NEB: variants seen among roughly 807,000 people sequenced by gnomAD.
NEB encodes the protein nebulin.
Under a neutral mutation model 952.2 loss-of-function variants are expected in NEB, and 512 were observed. The ratio of observed to expected loss-of-function variants is 0.54; its 90% CI spans 0.50 to 0.58. NEB has a LOEUF of 0.58. Ranked by LOEUF, NEB falls within the 20% of genes least tolerant of loss-of-function variation. The pLI is 0.00. For synonymous variants in NEB, 2,900 were observed against 3,149.8 expected, an observed-to-expected ratio of 0.92 and a Z score of 2.66; for missense variants, 8,428 against 9,231.1, an observed-to-expected ratio of 0.91 and a Z score of 3.56.
At chr2:151,729,918 A>G (rs1436259605) in intron 3 of NEB, among the ~76,000 whole-genome samples, 1 of 152,328 alleles carries the variant, frequency 6.6e-6, no homozygotes, top group Non-Finnish European at 1.5e-5. Context: ...TTTTTAATCA[A>G]GAGAAGCTAT....
chr2:151,708,531 G>C (rs149291452), intron 12 of NEB, among the ~76,000 whole-genome samples: 72 of 152,060 alleles, frequency 4.7e-4, no homozygotes, highest in Admixed American at 4.6e-3. Context: ...CCCATGGAAG[G>C]ACCCCAGAGC....
At chr2:151,618,633 G>A (rs775370461) in intron 73 of NEB, among the ~76,000 whole-genome samples, 155 bp from the exon 74 acceptor site, 4 of 152,152 alleles carry the variant, frequency 2.6e-5, no homozygotes, top group Non-Finnish European at 5.9e-5. Flanking sequence ...TGAATCCTAA[G>A]TGTATTTTTT....
intron 176 of NEB, 58 bp downstream of exon 176, chr2:151,493,295 A>T: frequency 1.5e-6 from 2 of 1,293,160 alleles, no homozygotes; most frequent in Non-Finnish European, 2.2e-6. Context: ...TGTTTTTATG[A>T]TGTTAAAATG....
chr2:151,679,668 GC>G, intron 32 of NEB, 52 bp downstream of exon 32: 7 of 310,070 alleles, frequency 2.3e-5, no homozygotes, highest in South Asian at 6.2e-5. Flanking sequence ...CAGACCCCAA[GC>G]CCACCCACCC....
Position 151,639,896 on chromosome 2 carries a change from T to C in NEB, c.8850A>G (p.Glu2950=), listed in dbSNP as rs1358258182. Residue 2950 remains glutamate (E), a synonymous_variant, in exon 62 of 182, where the codon GAA becomes GAG. Transcript: ENST00000397345. ...FKFTSVTDSL[E]QVLAKNNAIT... Reference sequence around the variant, plus strand: ...TGGCATTATTTTTGGCCAACACTTGTTCCAGAGAGTCAGTCACACTGGTAA... The same window carrying C: ...TGGCATTATTTTTGGCCAACACTTGCTCCAGAGAGTCAGTCACACTGGTAA... 3 of 1,613,876 alleles carry C rather than the reference T, an allele frequency of 1.9e-6. No homozygotes were observed. The highest frequency in any genetic ancestry group is 2.7e-5 in the African/African-American group (2 of 74,928).
At chr2:151,728,037 C>G (rs960515276) in intron 4 of NEB, 131 bp from the exon 5 acceptor site, 1 of 703,382 alleles carries the variant, frequency 1.4e-6, no homozygotes, top group Non-Finnish European at 2.4e-6. Flanking sequence ...CTAAAGTAAG[C>G]CAAAGCAGGA....
At chr2:151,551,953 C>T (rs1008621774) in intron 128 of NEB, 108 bp from the exon 129 acceptor site, 9 of 730,880 alleles carry the variant, frequency 1.2e-5, no homozygotes, top group Admixed American at 2.6e-5. Flanking sequence ...ACTCATCTGA[C>T]ACATTACTGT....
intron 13 of NEB, among the ~76,000 whole-genome samples, chr2:151,701,996 G>A (rs1460711130): frequency 6.8e-6 from 1 of 147,558 alleles, no homozygotes; most frequent in Non-Finnish European, 1.5e-5. Flanking sequence ...TTCTCTTGTG[G>A]GCATTTAGTG....
chr2:151,500,487 T>G (rs2063597750), intron 168 of NEB, among the ~76,000 whole-genome samples: 1 of 151,840 alleles, frequency 6.6e-6, no homozygotes, highest in Non-Finnish European at 1.5e-5. Flanking sequence ...ACATTAAATA[T>G]AAGCTCATGA....
At chr2:151,657,846 C>T (rs1263278980) in intron 48 of NEB, 137 bp downstream of exon 48, 8 of 655,782 alleles carry the variant, frequency 1.2e-5, no homozygotes, top group Non-Finnish European at 2.1e-5. Flanking sequence ...AACACAAAAG[C>T]AAGGTTAAGA....
In NEB at chr2:151,570,084, G is replaced by A. The variant is rs781105258; in HGVS notation, c.17427C>T (p.Ser5809=). ...ACCCCAAATGCAGCCCACTCACATCGCTCTGCAGTTCGTAGGCCTTCTTGG... is the reference window on the plus strand; with the variant it reads ...ACCCCAAATGCAGCCCACTCACATCACTCTGCAGTTCGTAGGCCTTCTTGG... ...IQAKKAYELQ[S]DNVYKADLEW... The change falls in exon 109 of 182, where the codon AGC becomes AGT. Residue 5809 remains serine, a synonymous_variant. Transcript: ENST00000397345. 1.9e-5 allele frequency: 30 copies of A among 1,604,766 alleles called. No individual in the cohort carries two copies. Among genetic ancestry groups the A allele is most frequent in the East Asian group, 4.5e-5 (2 of 44,568 alleles).
At position 151,643,339 on chromosome 2, in the gene NEB, T is replaced by G. The variant is rs778368661; in HGVS notation, c.7971A>C (p.Ser2657=). 3.7e-6 allele frequency: 6 copies of G among 1,607,992 alleles called. No individual in the cohort carries two copies. The highest frequency in any genetic ancestry group is 5.1e-6 in the Non-Finnish European group (6 of 1,176,156). Residue 2657 remains serine, a synonymous_variant, in exon 58 of 182, where the codon TCA becomes TCC. Transcript: ENST00000397345. ...YDLQSDNLYK[S]DLQWLKGIGW... ...CAATGCCTTTTAGCCACTGAAGGTCTGACTTGTACAAATTCTGAAAGTGCA... is the reference window on the plus strand; with the variant it reads ...CAATGCCTTTTAGCCACTGAAGGTCGGACTTGTACAAATTCTGAAAGTGCA...
rs370999716 is a variant in NEB at position 151,666,086 on chromosome 2, A to G, written c.5031+4T>C. On this transcript the variant is annotated splice_donor_region_variant and intron_variant, in intron 41 of 181. Transcript: ENST00000397345. ...TGGATAACAACTTGGTAACCAGTAC[A>G]TACATCACTCTGAATCTGCATGGCA... is the stretch of plus-strand genomic sequence containing the variant. The G allele has an allele frequency of 7.4e-5, 119 of 1,609,430 alleles. 1 individual carries two copies. In the African/African-American group the frequency reaches 9.0e-4, roughly 12 times the overall value.
At chr2:151,505,437 T>G (rs747521866) in intron 165 of NEB, 41 bp downstream of exon 165, 4 of 1,514,258 alleles carry the variant, frequency 2.6e-6, no homozygotes, top group Non-Finnish European at 9.2e-7. Flanking sequence ...AATTGAGAGA[T>G]GGCCAGTCAC....
At chr2:151,678,278 C>A in intron 32 of NEB, 91 bp from the exon 33 acceptor site, 1 of 740,676 alleles carries the variant, frequency 1.4e-6, no homozygotes, top group Non-Finnish European at 2.2e-6. Context: ...TTGAGCTTCC[C>A]AAAAATTACT....
intron 153 of NEB, among the ~76,000 whole-genome samples, chr2:151,523,807 A>T (rs530468906): frequency 6.6e-6 from 1 of 152,300 alleles, no homozygotes; most frequent in African/African-American, 2.4e-5. Flanking sequence ...AATTTTAATG[A>T]TTTATCCATG....
Position 151,491,775 on chromosome 2 carries a change from C to A in NEB, c.25058G>T (p.Gly8353Val). 3.2e-6 allele frequency: 5 copies of A among 1,580,384 alleles called. No homozygotes were observed. The highest frequency in any genetic ancestry group is 4.3e-6 in the Non-Finnish European group (5 of 1,161,634). The change falls in exon 179 of 182, where the codon GGT becomes GTT. Residue 8353 changes from glycine (G) to valine (V), a missense_variant and splice_region_variant. Around this residue, in one of 11 missense-constraint regions of NEB, gnomAD observed 3,374 missense variants for 3,651.5 expected, o/e 0.92. Transcript: ENST00000397345. ...AGGATTAGTACGCCAGACACGTAAA[C>A]CTGAAAGGGAAACCAGTGATCAGAA... ...RNDQDQETIT[G>V]LRVWRTNPGS...
rs1033895523 is a variant in NEB at position 151,609,322 on chromosome 2, A to T, written c.12330+487T>A. Among the ~76,000 whole-genome samples the T allele has an allele frequency of 7.2e-5, 11 of 152,194 alleles. No individual in the cohort carries two copies. The South Asian group carries it at 8.3e-4, about 11-fold the overall frequency. ...TGTACTTCCAAAAAAGCAAGACCTGAGATCTCACATGATTGAGGGTTTTTA... is the reference window on the plus strand; with the variant it reads ...TGTACTTCCAAAAAAGCAAGACCTGTGATCTCACATGATTGAGGGTTTTTA... On this transcript the variant is annotated intron_variant, in intron 81 of 181. Transcript: ENST00000397345.
At chr2:151,523,950 T>A (rs185257490) in intron 153 of NEB, among the ~76,000 whole-genome samples, 1 of 152,320 alleles carries the variant, frequency 6.6e-6, no homozygotes, top group Non-Finnish European at 1.5e-5. Context: ...TTGCTCTTCA[T>A]GTTAAATCTA....
Sources: gnomAD v4.1 joint callset for allele counts (sites outside exome capture counted in the v4.1 genomes callset) on GRCh38, gnomAD v4.1.1 for gene constraint, gnomAD v4.1.1 regional missense constraint, MANE v1.5 for transcripts, NCBI Gene and HGNC (gene_info 2026-07-23, HGNC 2026-07-21) for gene names.